The following EVI5L variants were observed in gnomAD, a reference collection of about 807,000 sequenced individuals.
The protein encoded by EVI5L is ecotropic viral integration site 5 like, also known as EVI5-like protein.
In EVI5L, 30 loss-of-function variants were observed where a neutral mutation model predicts 106.1. That is an observed-to-expected ratio of 0.28 (90% CI 0.21 to 0.38). The LOEUF (loss-of-function observed/expected upper bound fraction) is 0.38. EVI5L is among the 10% of genes least tolerant of loss of function. The probability of loss-of-function intolerance (pLI) is 1.00; values close to 1 mark genes in which losing one functional copy is unlikely to be tolerated. For synonymous variants in EVI5L, 489 were observed against 483.3 expected, an observed-to-expected ratio of 1.01 and a Z score of -0.15; for missense variants, 809 against 1,098.0, an observed-to-expected ratio of 0.74 and a Z score of 3.72.
chr19:7,839,114 AAC>A (rs1978479642), intron 1 of EVI5L, among the ~76,000 whole-genome samples: 1 of 152,058 alleles, frequency 6.6e-6, no homozygotes, highest in Admixed American at 6.6e-5. Context: ...CATCCTGGGT[AAC>A]ACAGTGAAAC....
intron 1 of EVI5L, among the ~76,000 whole-genome samples, chr19:7,831,272 C>CACAG (rs1978292555): frequency 6.9e-6 from 1 of 144,522 alleles, no homozygotes; most frequent in Non-Finnish European, 1.5e-5. Flanking sequence ...CACACACACA[C>CACAG]AGTCACTTAG....
At chr19:7,853,037 GGTCAGGGCC>G in intron 8 of EVI5L, 40 bp from the exon 9 acceptor site, 1 of 1,605,402 alleles carries the variant, frequency 6.2e-7, no homozygotes, top group East Asian at 2.2e-5. Flanking sequence ...GGCCCCCGGT[GGTCAGGGCC>G]TGCATGTTGG....
chr19:7,844,675 T>G (rs952459471), intron 1 of EVI5L, among the ~76,000 whole-genome samples: 1 of 152,208 alleles, frequency 6.6e-6, no homozygotes, highest in Non-Finnish European at 1.5e-5. Context: ...GATTAGGTGG[T>G]GCCCAGCAGC....
At chr19:7,838,090 G>C (rs55656533) in intron 1 of EVI5L, among the ~76,000 whole-genome samples, 1,211 of 28,688 alleles carry the variant, frequency 0.042, 7 homozygotes, top group Non-Finnish European at 0.056. Flanking sequence ...TTTTTTTTTT[G>C]GTTGGTTTTT....
chr19:7,861,057 C>T (rs936403095), intron 14 of EVI5L, among the ~76,000 whole-genome samples: 7 of 152,162 alleles, frequency 4.6e-5, no homozygotes, highest in African/African-American at 1.7e-4. Context: ...CATGCAGACA[C>T]CATCCCAGGG....
intron 2 of EVI5L, 137 bp downstream of exon 2, chr19:7,846,816 G>A (rs1978973763): frequency 1.7e-6 from 2 of 1,189,530 alleles, no homozygotes; most frequent in East Asian, 5.2e-5. Context: ...CTGGATGAGG[G>A]ACAGACACCT....
chr19:7,853,194 G>A lies in EVI5L; in HGVS notation c.1085+11G>A, dbSNP rs1470868250. On this transcript the variant is annotated intron_variant, in intron 9 of 19. Transcript: ENST00000538904. ...CAAGAAGATGAAGAGGTCGGTGCCT[G>A]CTGGGCAACCAGGGTACTGGTAAGA... is the stretch of plus-strand genomic sequence containing the variant. 2 of 1,614,072 alleles carry A rather than the reference G, an allele frequency of 1.2e-6. No individual in the cohort carries two copies. Among genetic ancestry groups the A allele is most frequent in the Non-Finnish European group, 1.7e-6 (2 of 1,180,024 alleles).
In EVI5L at chr19:7,850,250, G is replaced by A. The variant is rs981525421; in HGVS notation, c.753+128G>A. On this transcript the variant is annotated intron_variant, in intron 6 of 19. Transcript: ENST00000538904. The surrounding 1 kb of genome is among the most constrained non-coding windows in gnomAD (Gnocchi z 5.4). ...ACCATACCCGGGCACCTCTTGGACTGAAAATTCCAAGCCTGTGAAATCACA... is the reference window on the plus strand; with the variant it reads ...ACCATACCCGGGCACCTCTTGGACTAAAAATTCCAAGCCTGTGAAATCACA... 9 of 1,348,642 alleles carry A rather than the reference G, an allele frequency of 6.7e-6. No homozygotes were observed. The Admixed American group carries it at 1.3e-4, about 19-fold the overall frequency. The allele number at this position is 1,348,642 out of a possible 1,614,324, so 83.5% of individuals were successfully genotyped here. A position where few individuals can be genotyped will look rare whatever the true frequency, so the allele number is the denominator to read the frequency against.
In EVI5L at chr19:7,834,412, A is replaced by G. The variant is rs114982859; in HGVS notation, c.-48+4031A>G. ...GAACCTATTATAATAGCCAAAAGTA[A>G]TCTGGTCAGATGACAAGAAAGAAAA... On this transcript the variant is annotated intron_variant, in intron 1 of 19. Coordinates refer to ENST00000538904, the MANE Select transcript of EVI5L (RefSeq NM_001159944.3). 3.3e-3 allele frequency among the ~76,000 whole-genome samples: 497 copies of G among 152,324 alleles called. 5 individuals carry two copies. The highest frequency in any genetic ancestry group is 0.012 in the African/African-American group (479 of 41,576).
Position 7,862,117 on chromosome 19 carries a change from C to G in EVI5L, c.1645-5C>G. ...GACCGCCGGCTTCTCGGCTTCACCC[C>G]CCAGGCCCATCTGGCCCGCGGCGGC... On this transcript the variant is annotated splice_polypyrimidine_tract_variant and splice_region_variant and intron_variant, in intron 15 of 19. Transcript: ENST00000538904. The G allele has an allele frequency of 6.4e-7, 1 of 1,564,374 alleles. No homozygotes were observed. Among genetic ancestry groups the G allele is most frequent in the Admixed American group, 1.9e-5 (1 of 52,630 alleles).
chr19:7,841,995 G>A (rs899052281), intron 1 of EVI5L, among the ~76,000 whole-genome samples: 1 of 152,238 alleles, frequency 6.6e-6, no homozygotes, highest in Non-Finnish European at 1.5e-5. Flanking sequence ...GGTGCAGGAA[G>A]TGTGTGAGCG....
chr19:7,862,725 C>CT (rs1979890627), intron 17 of EVI5L, among the ~76,000 whole-genome samples, 191 bp downstream of exon 17: 1 of 117,876 alleles, frequency 8.5e-6, no homozygotes, highest in African/African-American at 3.2e-5. Context: ...CCTGATCCGG[C>CT]CCCGCCTCCT....
At chr19:7,831,962 A>T (rs1302935344) in intron 1 of EVI5L, among the ~76,000 whole-genome samples, 1 of 152,288 alleles carries the variant, frequency 6.6e-6, no homozygotes, top group African/African-American at 2.4e-5. Context: ...TTTGTTAAGG[A>T]ATATTTTCAG....
rs1173455180 is a variant in EVI5L at position 7,856,345 on chromosome 19, T to C, written c.1200+277T>C. On this transcript the variant is annotated intron_variant, in intron 11 of 19. Transcript: ENST00000538904. The surrounding 1 kb of genome is among the most constrained non-coding windows in gnomAD (Gnocchi z 6.6). ...ATTTGTGTTCTGTGCCCTCCCCGGC[T>C]GCACAGACGGGGAGGGGTGAGGAGG... 6.6e-6 allele frequency among the ~76,000 whole-genome samples: 1 copy of C among 152,048 alleles called. No individual in the cohort carries two copies. Among genetic ancestry groups the C allele is most frequent in the African/African-American group, 2.4e-5 (1 of 41,398 alleles).
At position 7,835,683 on chromosome 19, in the gene EVI5L, A is replaced by T. The variant is rs1978327210; in HGVS notation, c.-48+5302A>T. Among the ~76,000 whole-genome samples the T allele has an allele frequency of 1.3e-5, 2 of 152,176 alleles. No homozygotes were observed. Among genetic ancestry groups the T allele is most frequent in the African/African-American group, 4.8e-5 (2 of 41,452 alleles). On this transcript the variant is annotated intron_variant, in intron 1 of 19. Coordinates refer to ENST00000538904, the MANE Select transcript of EVI5L (RefSeq NM_001159944.3). This position sits in a 1 kb window ranked among gnomAD's most constrained non-coding sequence, Gnocchi z 4.1. ...AGGAGCAGCTAGACTGGGCGCAAGA[A>T]GAGATCAGGCAGGGACCTCTGAATT...
intron 5 of EVI5L, among the ~76,000 whole-genome samples, 187 bp from the exon 6 acceptor site, chr19:7,849,810 T>G (rs1979146975): frequency 6.6e-6 from 1 of 152,140 alleles, no homozygotes; most frequent in Non-Finnish European, 1.5e-5. Flanking sequence ...GCAGGTGACC[T>G]CAGCCTCAGG....
At position 7,860,708 on chromosome 19, in the gene EVI5L, C is replaced by G. The variant is rs375705474; in HGVS notation, c.1503+19C>G. 1.4e-5 allele frequency: 22 copies of G among 1,565,040 alleles called. No individual in the cohort carries two copies. In the African/African-American group the frequency reaches 2.6e-4, roughly 18 times the overall value. ...GGAAAAGGTGCAATGGGGAGGCAGA[C>G]GGGCAGGTGTCGGGGGGACCCTGGG... On this transcript the variant is annotated intron_variant, in intron 14 of 19. Coordinates refer to ENST00000538904, the MANE Select transcript of EVI5L (RefSeq NM_001159944.3).
At position 7,858,167 on chromosome 19, in the gene EVI5L, G is replaced by T. The variant is rs778569940; in HGVS notation, c.1234-24G>T. On this transcript the variant is annotated intron_variant, in intron 12 of 19. Coordinates refer to ENST00000538904, the MANE Select transcript of EVI5L (RefSeq NM_001159944.3). The surrounding 1 kb of genome is among the most constrained non-coding windows in gnomAD (Gnocchi z 5.7). ...GAGCCGAGGGTCACGGCCTCCCCCT[G>T]CCCCCTGTCCTCGCTGTTCTCAGGG... 3 of 1,548,610 alleles carry T rather than the reference G, an allele frequency of 1.9e-6. No homozygotes were observed. Among genetic ancestry groups the T allele is most frequent in the South Asian group, 1.2e-5 (1 of 83,852 alleles).
intron 1 of EVI5L, among the ~76,000 whole-genome samples, chr19:7,842,478 ATG>A (rs939266971): frequency 6.6e-4 from 99 of 148,882 alleles, no homozygotes; most frequent in African/African-American, 2.3e-3. Flanking sequence ...AAGTGTGTGC[ATG>A]TGTGTGGGGA....
Sources: gnomAD v4.1 joint callset for allele counts (sites outside exome capture counted in the v4.1 genomes callset) on GRCh38, gnomAD v4.1.1 for gene constraint, Gnocchi (gnomAD v3.1) non-coding constraint, MANE v1.5 for transcripts, NCBI Gene and HGNC (gene_info 2026-07-23, HGNC 2026-07-21) for gene names.